The following DSP variants were observed in gnomAD, a reference collection of about 807,000 sequenced individuals.
DSP encodes the protein desmoplakin.
Under a neutral mutation model 290.6 loss-of-function variants are expected in DSP, and 114 were observed. That is an observed-to-expected ratio of 0.39 (90% CI 0.34 to 0.46). The LOEUF (loss-of-function observed/expected upper bound fraction) is 0.46, where lower values mean the gene tolerates loss of function less well. Among genes scored for constraint, DSP ranks in the 20% least tolerant of loss-of-function variants. DSP has a pLI of 0.99. For synonymous variants in DSP, 1,311 were observed against 1,316.4 expected (o/e 1.00, Z 0.09); for missense variants, 3,230 against 3,495.8 (o/e 0.92, Z 1.92).
chr6:7,555,731 A>G lies in DSP; in HGVS notation c.184A>G (p.Met62Val). 1.2e-6 allele frequency: 2 copies of G among 1,614,224 alleles called. No homozygotes were observed. Among genetic ancestry groups the G allele is most frequent in the Non-Finnish European group, 1.7e-6 (2 of 1,180,034 alleles). Reference sequence around the variant, plus strand: ...TTGCCTCCTTAGTCAAACCGGCACGATGTCCAGGCACCAGAACCAGAACAC... The same window carrying G: ...TTGCCTCCTTAGTCAAACCGGCACGGTGTCCAGGCACCAGAACCAGAACAC... Reference protein sequence around the residue: ...NSDGYCQTGTMSRHQNQNTIQ... With the variant: ...NSDGYCQTGTVSRHQNQNTIQ... The change falls in exon 2 of 24, where the codon ATG (methionine) becomes GTG (valine). Residue 62 changes from methionine (M) to valine (V), a missense_variant. Coordinates refer to ENST00000379802, the MANE Select transcript of DSP (RefSeq NM_004415.4).
chr6:7,551,683 G>A (rs1445196897), intron 1 of DSP, among the ~76,000 whole-genome samples: 1 of 151,906 alleles, frequency 6.6e-6, no homozygotes, highest in East Asian at 1.9e-4. Flanking sequence ...CTCTCGTGCT[G>A]AAGAATCCAG....
chr6:7,541,762 A>C lies in DSP; in HGVS notation c.-154A>C. 8.0e-5 allele frequency: 71 copies of C among 887,502 alleles called. No individual in the cohort carries two copies. The highest frequency in any genetic ancestry group is 1.0e-4 in the Non-Finnish European group (62 of 618,364). The allele number at this position is 887,502 out of a possible 1,614,324, so 55.0% of individuals were successfully genotyped here. A position where few individuals can be genotyped will look rare whatever the true frequency, so the allele number is the denominator to read the frequency against. The stretch of plus-strand genomic sequence containing the variant: ...TCTCCGCGCTCGCAGCGGCCTCGGG[A>C]GGGCCCAGGTAGCGAGCAGCGACCT... On this transcript the variant is annotated 5_prime_UTR_variant, in exon 1 of 24. Coordinates refer to ENST00000379802, the MANE Select transcript of DSP (RefSeq NM_004415.4).
At position 7,586,448 on chromosome 6, in the gene DSP, T is replaced by A. The variant is rs1759679961; in HGVS notation, c.*570T>A. ...TTGTTTGGTTTGGTATTAATTTGAC[T>A]GTGCATGACAGCGGCAATCTTTTCT... On this transcript the variant is annotated 3_prime_UTR_variant, in exon 24 of 24. Coordinates refer to ENST00000379802, the MANE Select transcript of DSP (RefSeq NM_004415.4). 6.6e-6 allele frequency: 1 copy of A among 152,434 alleles called. No homozygotes were observed. The highest frequency in any genetic ancestry group is 1.5e-5 in the Non-Finnish European group (1 of 68,234). 9.4% of individuals were successfully genotyped at this position (152,434 alleles called of 1,614,324 possible). A position where few individuals can be genotyped will look rare whatever the true frequency, so the allele number is the denominator to read the frequency against.
chr6:7,577,015 T>G lies in DSP; in HGVS notation c.2850T>G (p.Ile950Met), dbSNP rs727502999. 2.5e-6 allele frequency: 4 copies of G among 1,612,598 alleles called. No individual in the cohort carries two copies. In the African/African-American group the frequency reaches 5.3e-5, roughly 22 times the overall value. ...ACAAATCAGAGGAAGTACAAAAAAT[T>G]GCTGAACTTTGCGCCAATTCAATTA... ...KRDKSEEVQK[I>M]AELCANSIKD... The change falls in exon 20 of 24, where the codon ATT (isoleucine) becomes ATG (methionine). Residue 950 changes from isoleucine (I) to methionine (M), a missense_variant. Physicochemically the swap from Ile to Met is conservative, Grantham distance 10. This residue lies in a region of DSP where 1,714 missense variants were observed against 1,844.5 expected (regional missense o/e 0.93). Transcript: ENST00000379802.
chr6:7,584,164 T>C lies in DSP; in HGVS notation c.6902T>C (p.Ile2301Thr), dbSNP rs772381363. The C allele has an allele frequency of 1.1e-5, 18 of 1,614,074 alleles. No individual in the cohort carries two copies. In the Admixed American group the frequency reaches 2.5e-4, roughly 22 times the overall value. The change falls in exon 24 of 24, where the codon ATA becomes ACA. Residue 2301 changes from isoleucine to threonine, a missense_variant. By Grantham distance (89) the Ile-to-Thr change is moderately conservative. Coordinates refer to ENST00000379802, the MANE Select transcript of DSP (RefSeq NM_004415.4). The surrounding 1 kb of genome is among the most constrained non-coding windows in gnomAD (Gnocchi z 6.4). ...GAAGCCCAAGCAGCTACTGGCTTTATAGTGGATCCTGTTAGCAACTTGAGG... is the reference window on the plus strand; with the variant it reads ...GAAGCCCAAGCAGCTACTGGCTTTACAGTGGATCCTGTTAGCAACTTGAGG... ...LLEAQAATGF[I>T]VDPVSNLRLP...
Position 7,554,104 on chromosome 6 carries a change from C to CACACACACACACACACAA in DSP, c.171-1597_171-1596insAACACACACACACACACA, listed in dbSNP as rs1422678995. On this transcript the variant is annotated intron_variant, in intron 1 of 23. Coordinates refer to ENST00000379802, the MANE Select transcript of DSP (RefSeq NM_004415.4). Reference sequence around the variant, plus strand: ...TAAAACACACACACACACACACACACACACACACACACACACACACACCCA... The same window carrying CACACACACACACACACAA: ...TAAAACACACACACACACACACACACACACACACACACACACAAACACACACACACACACACACACCCA... 2.0e-5 allele frequency among the ~76,000 whole-genome samples: 3 copies of CACACACACACACACACAA among 150,858 alleles called. No individual in the cohort carries two copies. In the East Asian group the frequency reaches 5.8e-4, roughly 29 times the overall value.
intron 19 of DSP, 105 bp from the exon 20 acceptor site, chr6:7,576,850 TAATA>T: frequency 1.0e-6 from 1 of 969,860 alleles, no homozygotes; most frequent in East Asian, 2.6e-5. Flanking sequence ...GTACATGTAG[TAATA>T]AACTGAAAAA....
chr6:7,570,453 G>T lies in DSP; in HGVS notation c.1591G>T (p.Glu531Ter), dbSNP rs1223159632. The T allele has an allele frequency of 6.2e-7, 1 of 1,613,952 alleles. No homozygotes were observed. The highest frequency in any genetic ancestry group is 8.5e-7 in the Non-Finnish European group (1 of 1,180,034). ...DLSCKIEQYYEAILALWNQLY... is the reference protein window; with the variant it reads ...DLSCKIEQYY ...GCCTCTTAGGATTGAGCAGTACTAC[G>T]AAGCCATCTTGGCTCTGTGGAACCA... The change falls in exon 13 of 24, where the codon GAA becomes TAA. Residue 531 changes from glutamate (E) to a stop codon, truncating the protein, a stop_gained. Transcript: ENST00000379802. LOFTEE classifies it high-confidence loss of function.
intron 1 of DSP, among the ~76,000 whole-genome samples, chr6:7,546,752 T>C (rs2113639274): frequency 6.6e-6 from 1 of 152,360 alleles, no homozygotes; most frequent in Admixed American, 6.5e-5. Flanking sequence ...TTGTATTCTT[T>C]CATTAATACT....
rs397516929 is a variant in DSP, at chr6:7,577,860, T to A, written c.2959T>A (p.Ser987Thr). 7.4e-6 allele frequency: 12 copies of A among 1,613,996 alleles called. No homozygotes were observed. In the Admixed American group the frequency reaches 2.0e-4, roughly 27 times the overall value. The change falls in exon 21 of 24, where the codon TCC becomes ACC. Residue 987 changes from serine (S) to threonine (T), a missense_variant. Transcript: ENST00000379802. ...ACCTATCAAGAGGACCATGATTCAG[T>A]CCCCTTCTGGGGTGATTCTGCAAGA... is the stretch of plus-strand genomic sequence containing the variant. Reference protein sequence around the residue: ...NIPIKRTMIQSPSGVILQEAA... With the variant: ...NIPIKRTMIQTPSGVILQEAA...
intron 4 of DSP, among the ~76,000 whole-genome samples, chr6:7,560,531 CA>C (rs2113661766): frequency 6.6e-6 from 1 of 152,312 alleles, no homozygotes; most frequent in South Asian, 2.1e-4. Flanking sequence ...TATGTAGTGC[CA>C]CCCAAGGGTA....
rs774135515 is a variant in DSP at position 7,558,146 on chromosome 6, A to C, written c.304A>C (p.Thr102Pro). Reference protein sequence around the residue: ...ELKYGDGIQLTRSRELDECFA... With the variant: ...ELKYGDGIQLPRSRELDECFA... Reference sequence around the variant, plus strand: ...GAAGTATGGAGATGGAATACAACTGACTCGGAGTCGAGAATTGGATGAGTG... The same window carrying C: ...GAAGTATGGAGATGGAATACAACTGCCTCGGAGTCGAGAATTGGATGAGTG... Residue 102 changes from threonine to proline, a missense_variant, in exon 3 of 24, where the codon ACT (threonine) becomes CCT (proline). Around this residue, in one of 5 missense-constraint regions of DSP, gnomAD observed 646 missense variants for 684.3 expected, o/e 0.94. Transcript: ENST00000379802. 6 of 1,614,208 alleles carry C rather than the reference A, an allele frequency of 3.7e-6. No individual in the cohort carries two copies. Among genetic ancestry groups the C allele is most frequent in the Non-Finnish European group, 5.1e-6 (6 of 1,180,044 alleles).
intron 4 of DSP, among the ~76,000 whole-genome samples, chr6:7,562,252 T>G (rs1200724951): frequency 6.6e-6 from 1 of 151,188 alleles, no homozygotes; most frequent in Non-Finnish European, 1.5e-5. Context: ...TTGCATTTAT[T>G]TAATGATTTT....
chr6:7,548,552 G>A (rs1458997095), intron 1 of DSP, among the ~76,000 whole-genome samples: 1 of 152,230 alleles, frequency 6.6e-6, no homozygotes, highest in East Asian at 1.9e-4. Flanking sequence ...TTAATGATAT[G>A]TGATCAGTTT....
In DSP at chr6:7,579,255, T is replaced by G. The variant is rs771088576; in HGVS notation, c.3085-20T>G. ...GTGAGGTGTTTTTCTTTTGACATAA[T>G]CTCTGATTTCATTCCACAGCTGAAA... On this transcript the variant is annotated intron_variant, in intron 22 of 23. Coordinates refer to ENST00000379802, the MANE Select transcript of DSP (RefSeq NM_004415.4). The surrounding 1 kb of genome is among the most constrained non-coding windows in gnomAD (Gnocchi z 4.1). 7.4e-6 allele frequency: 12 copies of G among 1,613,634 alleles called. No homozygotes were observed. In the Admixed American group the frequency reaches 2.0e-4, roughly 27 times the overall value.
In DSP at chr6:7,585,769, G is replaced by A. The variant is rs764232504; in HGVS notation, c.8507G>A (p.Gly2836Glu). 32 of 1,609,648 alleles carry A rather than the reference G, an allele frequency of 2.0e-5. 1 individual carries two copies. The South Asian group carries it at 3.5e-4, about 18-fold the overall frequency. Residue 2836 changes from glycine to glutamate, a missense_variant, in exon 24 of 24, where the codon GGA becomes GAA. Around this residue, in one of 5 missense-constraint regions of DSP, gnomAD observed 582 missense variants for 555.4 expected, o/e 1.05. Coordinates refer to ENST00000379802, the MANE Select transcript of DSP (RefSeq NM_004415.4). Reference protein sequence around the residue: ...RSGSRSGSRSGSRSGSRSGSR... With the variant: ...RSGSRSGSRSESRSGSRSGSR... ...GGCTCCCGCTCGGGATCTCGCTCCG[G>A]ATCTCGCTCCGGGTCCCGCAGTGGG...
Position 7,568,466 on chromosome 6 carries a change from G to A in DSP, c.1296G>A (p.Lys432=). The change falls in exon 11 of 24, where the codon AAG becomes AAA. Residue 432 remains lysine, a synonymous_variant. Transcript: ENST00000379802. ...AACGAGAGAAAATCCTTGAATACAA[G>A]CGTCAGGTGCAGAACTTGGTAAACA... ...EKEREKILEY[K]RQVQNLVNKS... The A allele has an allele frequency of 6.2e-7, 1 of 1,614,100 alleles. No homozygotes were observed. Among genetic ancestry groups the A allele is most frequent in the Non-Finnish European group, 8.5e-7 (1 of 1,180,006 alleles).
intron 22 of DSP, among the ~76,000 whole-genome samples, chr6:7,578,842 G>A (rs538460477): frequency 5.6e-4 from 85 of 152,246 alleles, no homozygotes; most frequent in African/African-American, 1.9e-3. Context: ...TTATTTCTCT[G>A]TGTTAAAGAT....
intron 1 of DSP, among the ~76,000 whole-genome samples, chr6:7,554,252 T>C (rs1055582769): frequency 2.0e-5 from 3 of 152,228 alleles, no homozygotes; most frequent in Admixed American, 6.5e-5. Context: ...TCACTTGGTC[T>C]GCTTTAAATC....
Sources: gnomAD v4.1 joint callset for allele counts (sites outside exome capture counted in the v4.1 genomes callset) on GRCh38, gnomAD v4.1.1 for gene constraint, gnomAD v4.1.1 regional missense constraint, Gnocchi (gnomAD v3.1) non-coding constraint, MANE v1.5 for transcripts, NCBI Gene and HGNC (gene_info 2026-07-23, HGNC 2026-07-21) for gene names.